The following POMP variants were observed in gnomAD, a reference collection of about 807,000 sequenced individuals.
The protein encoded by POMP is 2510048O06Rik.
Under a neutral mutation model 20.6 loss-of-function variants are expected in POMP, and 12 were observed. That is an observed-to-expected ratio of 0.58 (90% confidence interval 0.37 to 0.94). The LOEUF is 0.94. POMP is among the 40% of genes least tolerant of loss of function. The pLI, the probability that POMP is intolerant of heterozygous loss-of-function variation, is 0.01. For synonymous variants in POMP, 53 were observed against 55.0 expected (o/e 0.96, Z 0.16); for missense variants, 136 against 161.1 (o/e 0.84, Z 0.84).
intron 5 of POMP, among the ~76,000 whole-genome samples, chr13:28,677,333 T>C (rs182002440): frequency 2.6e-5 from 4 of 152,348 alleles, no homozygotes; most frequent in African/African-American, 9.6e-5. Context: ...GCCACCATTA[T>C]TATGTGCAGG....
intron 3 of POMP, among the ~76,000 whole-genome samples, chr13:28,666,325 A>C (rs1777156473): frequency 1.3e-5 from 2 of 152,206 alleles, no homozygotes; most frequent in South Asian, 4.1e-4. Context: ...GGGCTTTGTT[A>C]ATAAGATGGG....
In POMP at chr13:28,659,187, GGT is replaced by G; in HGVS notation, c.3+2_3+3del. ...GGCTGTTCGCAGAGCTGCGGAAGAT[GGT>G]GAGTGGGTACCCGGGCGGCTGGAGT... On this transcript the variant is annotated splice_donor_variant, in intron 1 of 5. Transcript: ENST00000380842. LOFTEE classifies it high-confidence loss of function. The G allele has an allele frequency of 6.3e-7, 1 of 1,590,154 alleles. No individual in the cohort carries two copies. Among genetic ancestry groups the G allele is most frequent in the Non-Finnish European group, 8.6e-7 (1 of 1,169,384 alleles).
chr13:28,664,823 GA>G (rs1218566395), intron 3 of POMP, among the ~76,000 whole-genome samples: 1 of 151,888 alleles, frequency 6.6e-6, no homozygotes, highest in African/African-American at 2.4e-5. Context: ...CCTCTCACAG[GA>G]ATTTTCTCTT....
At chr13:28,674,572 T>C (rs113869418) in intron 5 of POMP, among the ~76,000 whole-genome samples, 3,869 of 152,258 alleles carry the variant, frequency 0.025, 159 homozygotes, top group African/African-American at 0.089. Context: ...GGCTGGCATG[T>C]TTTGAGCAAA....
chr13:28,671,820 T>C (rs1237924679), intron 4 of POMP, among the ~76,000 whole-genome samples: 3 of 152,200 alleles, frequency 2.0e-5, no homozygotes, highest in African/African-American at 4.8e-5. Flanking sequence ...AAAATACTAC[T>C]ATCATTTAGT....
At chr13:28,665,662 G>A (rs1181044140) in intron 3 of POMP, among the ~76,000 whole-genome samples, 1 of 152,224 alleles carries the variant, frequency 6.6e-6, no homozygotes, top group Non-Finnish European at 1.5e-5. Context: ...TTTCTTAAGT[G>A]GACTATTGAG....
At chr13:28,670,766 G>A (rs1203441546) in intron 4 of POMP, among the ~76,000 whole-genome samples, 1 of 152,102 alleles carries the variant, frequency 6.6e-6, no homozygotes, top group Non-Finnish European at 1.5e-5. Context: ...ATTTCTATTG[G>A]CCGAGCTGGG....
At chr13:28,660,697 A>G (rs1042000201) in intron 1 of POMP, among the ~76,000 whole-genome samples, 1 of 152,208 alleles carries the variant, frequency 6.6e-6, no homozygotes, top group Non-Finnish European at 1.5e-5. Flanking sequence ...ACTAGAGTCC[A>G]GATTCTTTTC....
Position 28,659,145 on chromosome 13 carries a change from C to G in POMP, c.-40C>G. ...GGAAGTGAGCGGCGGGGTCGACTGA[C>G]GGTAACGGGGCAGAGAGGCTGTTCG... On this transcript the variant is annotated 5_prime_UTR_variant, in exon 1 of 6. Coordinates refer to ENST00000380842, the MANE Select transcript of POMP (RefSeq NM_015932.6). 1 of 1,574,734 alleles carries G rather than the reference C, an allele frequency of 6.4e-7. No homozygotes were observed.
At chr13:28,673,559 A>G (rs1003950405) in intron 5 of POMP, among the ~76,000 whole-genome samples, 1 of 152,234 alleles carries the variant, frequency 6.6e-6, no homozygotes, top group Admixed American at 6.5e-5. Context: ...ATTAAGTTTT[A>G]TTAGTTTTGC....
intron 3 of POMP, among the ~76,000 whole-genome samples, chr13:28,668,214 G>A (rs1884480358): frequency 6.6e-6 from 1 of 152,114 alleles, no homozygotes; most frequent in African/African-American, 2.4e-5. Context: ...TTGAATAGGA[G>A]ACACATTCCT....
chr13:28,674,504 G>A (rs1422182476), intron 5 of POMP, among the ~76,000 whole-genome samples: 1 of 152,192 alleles, frequency 6.6e-6, no homozygotes, highest in Non-Finnish European at 1.5e-5. Flanking sequence ...GCAGAATGGA[G>A]AGACCAATAG....
chr13:28,660,856 C>G (rs530568250), intron 1 of POMP, among the ~76,000 whole-genome samples: 5 of 152,084 alleles, frequency 3.3e-5, no homozygotes, highest in African/African-American at 1.2e-4. Flanking sequence ...AGGTTTCATG[C>G]TTGAGGAAAA....
At chr13:28,676,149 C>T (rs377333677) in intron 5 of POMP, among the ~76,000 whole-genome samples, 121 of 152,212 alleles carry the variant, frequency 7.9e-4, no homozygotes, top group African/African-American at 2.7e-3. Context: ...GGACTACAGG[C>T]GCCCACCACC....
At chr13:28,671,337 A>G (rs1259612400) in intron 4 of POMP, among the ~76,000 whole-genome samples, 1 of 152,192 alleles carries the variant, frequency 6.6e-6, no homozygotes, top group East Asian at 1.9e-4. Flanking sequence ...CAAAATTGTT[A>G]GCTTCCCTTT....
intron 3 of POMP, among the ~76,000 whole-genome samples, chr13:28,667,127 C>G (rs2137794076): frequency 6.6e-6 from 1 of 152,176 alleles, no homozygotes; most frequent in East Asian, 1.9e-4. Flanking sequence ...CCTAATTTTG[C>G]ACACGGTTGC....
chr13:28,669,204 T>C (rs1435073137), intron 4 of POMP, among the ~76,000 whole-genome samples: 1 of 152,178 alleles, frequency 6.6e-6, no homozygotes, highest in Admixed American at 6.5e-5. Context: ...ACATTTGCTT[T>C]CTATACTCCT....
At chr13:28,672,628 G>T (rs1884569264) in intron 5 of POMP, among the ~76,000 whole-genome samples, 196 bp downstream of exon 5, 1 of 152,164 alleles carries the variant, frequency 6.6e-6, no homozygotes, top group African/African-American at 2.4e-5. Flanking sequence ...GCTGGGTGCG[G>T]TGGCTCACGT....
At chr13:28,667,374 C>T (rs1884467565) in intron 3 of POMP, among the ~76,000 whole-genome samples, 1 of 152,066 alleles carries the variant, frequency 6.6e-6, no homozygotes, top group African/African-American at 2.4e-5. Context: ...TGCACTCCAG[C>T]CACATAGCAA....
Sources: allele counts gnomAD v4.1 joint callset (sites outside exome capture counted in the v4.1 genomes callset), GRCh38; gene constraint gnomAD v4.1.1; transcripts MANE v1.5; gene names NCBI Gene and HGNC (gene_info 2026-07-23, HGNC 2026-07-21).